Variants in TMEM106B observed in about 807,000 individuals in gnomAD.
The protein encoded by TMEM106B is transmembrane protein 106B.
TMEM106B carries 15 observed loss-of-function variants against 31.1 expected under a neutral mutation model. The ratio of observed to expected loss-of-function variants is 0.48; its 90% CI spans 0.32 to 0.74. The LOEUF (loss-of-function observed/expected upper bound fraction) is 0.74, where lower values mean the gene tolerates loss of function less well. Among genes scored for constraint, TMEM106B ranks in the 30% least tolerant of loss-of-function variants. The pLI, the probability that TMEM106B is intolerant of heterozygous loss-of-function variation, is 0.03. For missense variants in TMEM106B, 283 were observed against 327.3 expected, an observed-to-expected ratio of 0.86 and a Z score of 1.04; for synonymous variants, 126 against 112.5, an observed-to-expected ratio of 1.12 and a Z score of -0.76.
At chr7:12,218,171 T>C (rs1781723972) in intron 2 of TMEM106B, among the ~76,000 whole-genome samples, 1 of 152,026 alleles carries the variant, frequency 6.6e-6, no homozygotes, top group African/African-American at 2.4e-5. Flanking sequence ...CTGGTAAATT[T>C]AGCTCTTCTG....
At position 12,233,363 on chromosome 7, in the gene TMEM106B, T is replaced by C. The variant is rs867316623; in HGVS notation, c.*1388T>C. 1 of 151,578 alleles carries C rather than the reference T, an allele frequency of 6.6e-6. No individual in the cohort carries two copies. The allele number at this position is 151,578 out of a possible 1,614,324, so 9.4% of individuals were successfully genotyped here. On this transcript the variant is annotated 3_prime_UTR_variant, in exon 8 of 8. Coordinates refer to ENST00000396668, the MANE Select transcript of TMEM106B (RefSeq NM_001134232.2). ...AGATTAATTTCGTTCTGTTTTCTCA[T>C]GACAGAAATCAGGTTTCCCTTTCCC...
intron 4 of TMEM106B, among the ~76,000 whole-genome samples, chr7:12,228,371 A>T (rs1020172127): frequency 9.2e-5 from 14 of 151,914 alleles, no homozygotes; most frequent in Non-Finnish European, 1.9e-4. Context: ...CAGTATTTTT[A>T]AAAAATATTA....
chr7:12,227,594 GA>G (rs1781926648), intron 4 of TMEM106B, among the ~76,000 whole-genome samples: 1 of 126,060 alleles, frequency 7.9e-6, no homozygotes, highest in Non-Finnish European at 1.8e-5. Context: ...TTTTCTTAAT[GA>G]ATGTTTAATT....
intron 6 of TMEM106B, 198 bp downstream of exon 6, chr7:12,230,636 T>A: frequency 2.5e-6 from 1 of 405,808 alleles, no homozygotes; most frequent in Non-Finnish European, 4.3e-6. Context: ...AAATTTGTTT[T>A]TTTATTTATT....
intron 3 of TMEM106B, among the ~76,000 whole-genome samples, chr7:12,219,960 G>A (rs1343105820): frequency 1.3e-5 from 2 of 151,886 alleles, no homozygotes; most frequent in East Asian, 1.9e-4. Flanking sequence ...CCACAATCCT[G>A]AAAAAAATCA....
chr7:12,212,699 G>C (rs1781604515), intron 1 of TMEM106B, among the ~76,000 whole-genome samples: 1 of 152,138 alleles, frequency 6.6e-6, no homozygotes, highest in Non-Finnish European at 1.5e-5. Flanking sequence ...TCCTGGTGAA[G>C]TCAGAGCCCT....
chr7:12,240,410 GTTT>G lies in TMEM106B; in HGVS notation c.*8440_*8442del, dbSNP rs1015056610. The G allele has an allele frequency of 6.6e-6, 1 of 151,992 alleles. No individual in the cohort carries two copies. Among genetic ancestry groups the G allele is most frequent in the African/African-American group, 2.4e-5 (1 of 41,392 alleles). 9.4% of individuals were successfully genotyped at this position (151,992 alleles called of 1,614,324 possible). On this transcript the variant is annotated 3_prime_UTR_variant, in exon 8 of 8. Coordinates refer to ENST00000396668, the MANE Select transcript of TMEM106B (RefSeq NM_001134232.2). The stretch of plus-strand genomic sequence containing the variant: ...TGCCCAGTCACAAAGTTTGAGCCAA[GTTT>G]TTTTGTTTTAAACTTGTTTTAAACT...
chr7:12,237,287 T>G lies in TMEM106B; in HGVS notation c.*5312T>G, dbSNP rs1782157238. 6.6e-6 allele frequency: 1 copy of G among 152,196 alleles called. No homozygotes were observed. The highest frequency in any genetic ancestry group is 6.5e-5 in the Admixed American group (1 of 15,278). 9.4% of individuals were successfully genotyped at this position (152,196 alleles called of 1,614,324 possible). ...GTATTTTGGCTATGCTTTTGAAATT[T>G]CCTTAACATAAACAAATCAGTGTAG... On this transcript the variant is annotated 3_prime_UTR_variant, in exon 8 of 8. Coordinates refer to ENST00000396668, the MANE Select transcript of TMEM106B (RefSeq NM_001134232.2).
chr7:12,216,889 G>A (rs577729081), intron 2 of TMEM106B, among the ~76,000 whole-genome samples: 233 of 152,264 alleles, frequency 1.5e-3, no homozygotes, highest in African/African-American at 5.2e-3. Context: ...TGGTAAAGAC[G>A]TGTAGCATGT....
rs888185193 is a variant in TMEM106B, at chr7:12,236,999, A to G, written c.*5024A>G. ...ATAATAAATAATATAGAATATGAAA[A>G]TATGTTTGGGCATTTACTGTTTATA... On this transcript the variant is annotated 3_prime_UTR_variant, in exon 8 of 8. Coordinates refer to ENST00000396668, the MANE Select transcript of TMEM106B (RefSeq NM_001134232.2). 8 of 151,970 alleles carry G rather than the reference A, an allele frequency of 5.3e-5. No individual in the cohort carries two copies. Among genetic ancestry groups the G allele is most frequent in the Admixed American group, 4.6e-4 (7 of 15,230 alleles). The allele number at this position is 151,970 out of a possible 1,614,324, so 9.4% of individuals were successfully genotyped here.
intron 2 of TMEM106B, 118 bp from the exon 3 acceptor site, chr7:12,218,340 A>G (rs3887296): frequency 0.12 from 84,441 of 690,912 alleles, 5,773 homozygotes; most frequent in African/African-American, 0.15. Flanking sequence ...GCAATTTACT[A>G]AAGGAAAGAG....
chr7:12,218,300 A>G (rs73301040), intron 2 of TMEM106B, among the ~76,000 whole-genome samples, 158 bp from the exon 3 acceptor site: 2,322 of 151,384 alleles, frequency 0.015, 63 homozygotes, highest in African/African-American at 0.053. Flanking sequence ...TCTTCTCTAG[A>G]ACTTCTGCTG....
At chr7:12,215,271 T>C (rs1781664510) in intron 2 of TMEM106B, among the ~76,000 whole-genome samples, 1 of 152,236 alleles carries the variant, frequency 6.6e-6, no homozygotes, top group Non-Finnish European at 1.5e-5. Flanking sequence ...CACCTGCTAT[T>C]ATAGCAGATA....
At chr7:12,226,132 C>T (rs145413472) in intron 4 of TMEM106B, among the ~76,000 whole-genome samples, 14,774 of 106,194 alleles carry the variant, frequency 0.14, 722 homozygotes, top group South Asian at 0.21. Context: ...AATAGGGAAT[C>T]CTTTCCCCAT....
chr7:12,236,151 A>C lies in TMEM106B; in HGVS notation c.*4176A>C, dbSNP rs1782131024. ...GTGTCCCAGATCTACTTTCAAAGTG[A>C]GATTTTCACTTGTCAGCTTAAATTT... On this transcript the variant is annotated 3_prime_UTR_variant, in exon 8 of 8. Coordinates refer to ENST00000396668, the MANE Select transcript of TMEM106B (RefSeq NM_001134232.2). The C allele has an allele frequency of 1.3e-5, 2 of 151,950 alleles. No individual in the cohort carries two copies. Among genetic ancestry groups the C allele is most frequent in the East Asian group, 3.9e-4 (2 of 5,186 alleles). The allele number at this position is 151,950 out of a possible 1,614,324, so 9.4% of individuals were successfully genotyped here.
chr7:12,243,207 G>C lies in TMEM106B; in HGVS notation c.*11232G>C, dbSNP rs1391708720. On this transcript the variant is annotated 3_prime_UTR_variant, in exon 8 of 8. Coordinates refer to ENST00000396668, the MANE Select transcript of TMEM106B (RefSeq NM_001134232.2). ...CTGTTGTATTAAAAAGTCAGTTCAG[G>C]CTTAATATATATGACTACTATAAGT... 2 of 151,956 alleles carry C rather than the reference G, an allele frequency of 1.3e-5. No homozygotes were observed. Among genetic ancestry groups the C allele is most frequent in the East Asian group, 3.8e-4 (2 of 5,198 alleles). The allele number at this position is 151,956 out of a possible 1,614,324, so 9.4% of individuals were successfully genotyped here. A position where few individuals can be genotyped will look rare whatever the true frequency, so the allele number is the denominator to read the frequency against.
At position 12,224,167 on chromosome 7, in the gene TMEM106B, ATGT is replaced by A. The variant is rs945043857; in HGVS notation, c.282-55_282-53del. ...GGGGAAATTGAACATACCTTCTCTA[ATGT>A]TGTGTTATATAATTTCTGATGCACA... On this transcript the variant is annotated intron_variant, in intron 3 of 7. Transcript: ENST00000396668. The A allele has an allele frequency of 6.7e-6, 10 of 1,484,674 alleles. No homozygotes were observed. In the African/African-American group the frequency reaches 1.3e-4, roughly 19 times the overall value. The allele number at this position is 1,484,674 out of a possible 1,614,324, so 92.0% of individuals were successfully genotyped here.
intron 3 of TMEM106B, among the ~76,000 whole-genome samples, chr7:12,222,991 A>G (rs1299774823): frequency 6.6e-6 from 1 of 152,202 alleles, no homozygotes; most frequent in Non-Finnish European, 1.5e-5. Context: ...GTATAAGTAG[A>G]TTGTAAGGAA....
chr7:12,218,450 A>G lies in TMEM106B; in HGVS notation c.218-8A>G, dbSNP rs761692528. 6.2e-7 allele frequency: 1 copy of G among 1,610,084 alleles called. No homozygotes were observed. Among genetic ancestry groups the G allele is most frequent in the South Asian group, 1.1e-5 (1 of 90,458 alleles). ...AGTAATTTCTGAACTTACTTCTTTC[A>G]CATTTAGGGCAAGAAAACCAACTGG... On this transcript the variant is annotated splice_polypyrimidine_tract_variant and splice_region_variant and intron_variant, in intron 2 of 7. Coordinates refer to ENST00000396668, the MANE Select transcript of TMEM106B (RefSeq NM_001134232.2).
Sources: allele counts gnomAD v4.1 joint callset (sites outside exome capture counted in the v4.1 genomes callset), GRCh38; gene constraint gnomAD v4.1.1; transcripts MANE v1.5; gene names NCBI Gene and HGNC (gene_info 2026-07-23, HGNC 2026-07-21).